Variants in PCDH7 observed in about 807,000 individuals in gnomAD.
The protein encoded by PCDH7 is protocadherin 7.
In PCDH7, 17 loss-of-function variants were observed where a neutral mutation model predicts 58.9. That is an observed-to-expected ratio of 0.29 (90% confidence interval 0.20 to 0.43). PCDH7 has a LOEUF of 0.43. PCDH7 is among the 20% of genes least tolerant of loss of function. The pLI, the probability that PCDH7 is intolerant of heterozygous loss-of-function variation, is 1.00. For synonymous variants in PCDH7, 664 were observed against 616.4 expected (o/e 1.08, Z -1.14); for missense variants, 1,274 against 1,441.0 (o/e 0.88, Z 1.88).
chr4:31,045,551 G>A (rs1756213567), intron 3 of PCDH7, among the ~76,000 whole-genome samples: 1 of 152,002 alleles, frequency 6.6e-6, no homozygotes, highest in South Asian at 2.1e-4. Flanking sequence ...AATGATGGTA[G>A]CATATTTAAA....
At chr4:31,145,869 GTTTC>G (rs1243010972), downstream of PCDH7, 6 of 151,830 alleles carry the variant, frequency 4.0e-5, no homozygotes, top group Non-Finnish European at 1.5e-5. Context: ...TTTTTGTTGT[GTTTC>G]TTTCAGCTAT....
At chr4:30,988,971 G>A (rs1199064109) in intron 3 of PCDH7, among the ~76,000 whole-genome samples, 4 of 152,072 alleles carry the variant, frequency 2.6e-5, no homozygotes, top group African/African-American at 7.2e-5. Context: ...TTAATTGAAA[G>A]TTCATCAAAA....
chr4:30,880,217 G>T (rs1475472253), intron 1 of PCDH7, among the ~76,000 whole-genome samples: 2 of 151,532 alleles, frequency 1.3e-5, no homozygotes, highest in East Asian at 3.9e-4. Context: ...AATATATGTT[G>T]CTTCCTCTAA....
intron 1 of PCDH7, among the ~76,000 whole-genome samples, chr4:30,784,140 C>A (rs573946258): frequency 9.9e-5 from 15 of 152,252 alleles, no homozygotes; most frequent in African/African-American, 3.4e-4. Context: ...CTTCCAGGGC[C>A]ATTTTAATTA....
At chr4:30,789,594 G>T (rs1235077511) in intron 1 of PCDH7, among the ~76,000 whole-genome samples, 1 of 152,128 alleles carries the variant, frequency 6.6e-6, no homozygotes, top group Non-Finnish European at 1.5e-5. Context: ...ATGAAAGCAT[G>T]TATAGAGGGT....
intron 1 of PCDH7, among the ~76,000 whole-genome samples, chr4:30,897,441 T>G (rs1739597391): frequency 6.6e-6 from 1 of 152,136 alleles, no homozygotes; most frequent in Admixed American, 6.6e-5. Flanking sequence ...TTTTTTAAGG[T>G]TTTCCTAAAG....
chr4:31,056,623 C>A lies in PCDH7; in HGVS notation c.*8-85850C>A, dbSNP rs201349307. Among the ~76,000 whole-genome samples the A allele has an allele frequency of 2.5e-4, 33 of 130,024 alleles. No homozygotes were observed. The East Asian group carries it at 5.6e-3, about 22-fold the overall frequency. 85.3% of individuals were successfully genotyped at this position (130,024 alleles called of 152,430 possible). A position where few individuals can be genotyped will look rare whatever the true frequency, so the allele number is the denominator to read the frequency against. On this transcript the variant is annotated intron_variant, in intron 3 of 3. Transcript: ENST00000509759. The stretch of plus-strand genomic sequence containing the variant: ...GAAAGGAGAGAGAGAGAGTGAAAGA[C>A]AGAGAGAGAGAGGAGAGAGAGAGAG...
chr4:30,804,717 A>C (rs1725967781), intron 1 of PCDH7, among the ~76,000 whole-genome samples: 1 of 152,080 alleles, frequency 6.6e-6, no homozygotes, highest in African/African-American at 2.4e-5. Flanking sequence ...GTGAGGAATA[A>C]ATTTCTGCTT....
At chr4:30,977,966 G>A (rs1171675351) in intron 3 of PCDH7, among the ~76,000 whole-genome samples, 5 of 152,104 alleles carry the variant, frequency 3.3e-5, no homozygotes, top group Non-Finnish European at 5.9e-5. Flanking sequence ...CCTTAGCTTC[G>A]TATAAATCTA....
chr4:30,972,176 A>G (rs1208878903), intron 3 of PCDH7, among the ~76,000 whole-genome samples: 1 of 152,198 alleles, frequency 6.6e-6, no homozygotes, highest in African/African-American at 2.4e-5. Flanking sequence ...TGTCAGAATT[A>G]TTATTATGGA....
chr4:30,792,134 A>T (rs1724198991), intron 1 of PCDH7, among the ~76,000 whole-genome samples: 1 of 152,228 alleles, frequency 6.6e-6, no homozygotes, highest in Non-Finnish European at 1.5e-5. Flanking sequence ...ACAACATTTA[A>T]TATCTGAAAA....
chr4:30,905,470 CAAAA>C (rs1157795110), intron 1 of PCDH7, among the ~76,000 whole-genome samples: 4 of 16,496 alleles, frequency 2.4e-4, no homozygotes, highest in African/African-American at 4.6e-4. Flanking sequence ...AAATGAAAAA[CAAAA>C]AAAAACCACA....
At chr4:31,049,598 A>G (rs542206861) in intron 3 of PCDH7, among the ~76,000 whole-genome samples, 2 of 152,242 alleles carry the variant, frequency 1.3e-5, no homozygotes, top group Admixed American at 1.3e-4. Flanking sequence ...AGGTTTAGGT[A>G]AAGAGAAGTT....
chr4:30,973,422 C>T (rs1749778714), intron 3 of PCDH7, among the ~76,000 whole-genome samples: 2 of 152,112 alleles, frequency 1.3e-5, no homozygotes, highest in South Asian at 2.1e-4. Context: ...AAATGTTTAA[C>T]TGAGTGTAAT....
chr4:31,071,747 A>G (rs550123323), intron 3 of PCDH7, among the ~76,000 whole-genome samples: 3 of 152,072 alleles, frequency 2.0e-5, no homozygotes, highest in African/African-American at 4.8e-5. Context: ...GATCCCTCGC[A>G]TTTCATTTAG....
intron 3 of PCDH7, among the ~76,000 whole-genome samples, chr4:31,031,405 T>G (rs752902778): frequency 6.6e-6 from 1 of 152,134 alleles, no homozygotes; most frequent in Non-Finnish European, 1.5e-5. Flanking sequence ...TAAAGAATCA[T>G]TTCAAGTAGA....
At chr4:31,073,195 G>A (rs1316889623) in intron 3 of PCDH7, among the ~76,000 whole-genome samples, 4 of 152,158 alleles carry the variant, frequency 2.6e-5, no homozygotes, top group African/African-American at 9.7e-5. Flanking sequence ...ACTGTGCTTA[G>A]GGGATTAGAT....
chr4:30,827,646 A>G (rs1307750014), intron 1 of PCDH7, among the ~76,000 whole-genome samples: 1 of 152,208 alleles, frequency 6.6e-6, no homozygotes, highest in Non-Finnish European at 1.5e-5. Context: ...CTCATATATT[A>G]TGCCTACAAG....
chr4:31,028,668 A>G (rs895779243), intron 3 of PCDH7, among the ~76,000 whole-genome samples: 10 of 152,064 alleles, frequency 6.6e-5, no homozygotes, highest in Admixed American at 2.6e-4. Context: ...AAAAAAAAAA[A>G]AAAATACCCA....
Sources: gnomAD v4.1 joint callset for allele counts (sites outside exome capture counted in the v4.1 genomes callset) on GRCh38, gnomAD v4.1.1 for gene constraint, MANE v1.5 for transcripts, NCBI Gene and HGNC (gene_info 2026-07-23, HGNC 2026-07-21) for gene names.